Variants in ASTN2 observed in about 807,000 individuals in gnomAD.
ASTN2 encodes astrotactin-2.
ASTN2 carries 54 observed loss-of-function variants against 139.8 expected under a neutral mutation model. The observed-to-expected ratio is 0.39, with a 90% CI of 0.31 to 0.48. The LOEUF (loss-of-function observed/expected upper bound fraction) is 0.48. Among genes scored for constraint, ASTN2 ranks in the 20% least tolerant of loss-of-function variants. ASTN2 has a pLI of 0.95. For missense variants in ASTN2, 1,565 were observed against 1,725.1 expected (o/e 0.91, Z 1.64); for synonymous variants, 756 against 719.5 (o/e 1.05, Z -0.81).
At chr9:116,475,564 C>G (rs1848951778) in intron 20 of ASTN2, among the ~76,000 whole-genome samples, 1 of 152,228 alleles carries the variant, frequency 6.6e-6, no homozygotes, top group Admixed American at 6.5e-5. Flanking sequence ...GCCCTGTACC[C>G]CTGTGCAGCT....
chr9:117,392,367 C>A (rs1830563485), intron 1 of ASTN2, among the ~76,000 whole-genome samples: 1 of 152,158 alleles, frequency 6.6e-6, no homozygotes, highest in South Asian at 2.1e-4. Flanking sequence ...ACTTCTAATC[C>A]TTCTCTGGAA....
chr9:117,224,080 A>ATT (rs1182756249), intron 2 of ASTN2, among the ~76,000 whole-genome samples: 7 of 152,328 alleles, frequency 4.6e-5, no homozygotes, highest in African/African-American at 1.7e-4. Flanking sequence ...AACATACTGA[A>ATT]TTCTATAAAA....
chr9:117,042,442 C>G (rs987324169), intron 5 of ASTN2, among the ~76,000 whole-genome samples: 1 of 152,166 alleles, frequency 6.6e-6, no homozygotes, highest in Admixed American at 6.5e-5. Flanking sequence ...ATGGTAGGAA[C>G]TATACATGAG....
chr9:116,781,271 T>C (rs1830212699), intron 13 of ASTN2, among the ~76,000 whole-genome samples: 1 of 152,192 alleles, frequency 6.6e-6, no homozygotes, highest in Non-Finnish European at 1.5e-5. Flanking sequence ...AAGATGGTGA[T>C]GCAGACAGAG....
chr9:116,845,554 T>C (rs1023366691), intron 11 of ASTN2, among the ~76,000 whole-genome samples: 1 of 152,094 alleles, frequency 6.6e-6, no homozygotes, highest in Admixed American at 6.5e-5. Flanking sequence ...ACAACCTGAT[T>C]AAAACATGGG....
chr9:117,195,730 AC>A (rs1262021944), intron 3 of ASTN2, among the ~76,000 whole-genome samples: 10 of 152,174 alleles, frequency 6.6e-5, no homozygotes, highest in Admixed American at 1.3e-4. Context: ...GATGAAATTT[AC>A]ATGACATTCA....
chr9:116,633,197 C>A (rs1037596158), intron 17 of ASTN2, among the ~76,000 whole-genome samples: 1 of 152,220 alleles, frequency 6.6e-6, no homozygotes, highest in Non-Finnish European at 1.5e-5. Context: ...TCGGTTATAA[C>A]TCTAGGGAGA....
chr9:117,093,204 T>C (rs1456435358), intron 5 of ASTN2, among the ~76,000 whole-genome samples: 2 of 152,060 alleles, frequency 1.3e-5, no homozygotes, highest in East Asian at 3.9e-4. Context: ...ACACAGTGAG[T>C]TGGTAGCAGA....
intron 2 of ASTN2, among the ~76,000 whole-genome samples, chr9:117,252,834 G>T (rs1833575364): frequency 6.6e-6 from 1 of 152,170 alleles, no homozygotes; most frequent in South Asian, 2.1e-4. Flanking sequence ...TACCTTTGCA[G>T]AAATTGGGCT....
chr9:116,606,816 C>T (rs1431611698), intron 19 of ASTN2, among the ~76,000 whole-genome samples: 1 of 152,020 alleles, frequency 6.6e-6, no homozygotes, highest in African/African-American at 2.4e-5. Context: ...TCCCATTCCA[C>T]AGAAAAGGAA....
At position 116,423,809 on chromosome 9, in the gene ASTN2, A is replaced by G. The variant is rs939922995; in HGVS notation, c.*2042T>C. 7.2e-5 allele frequency among the ~76,000 whole-genome samples: 11 copies of G among 152,112 alleles called. No individual in the cohort carries two copies. The highest frequency in any genetic ancestry group is 9.7e-5 in the African/African-American group (4 of 41,414). On this transcript the variant is annotated 3_prime_UTR_variant, in exon 23 of 23. Coordinates refer to ENST00000313400, the MANE Select transcript of ASTN2 (RefSeq NM_001365068.1). ...CCCCATATGGATTGAAGTCCTGGGG[A>G]AAAAAATGCGCTCAATATGTAGGTT... is the stretch of plus-strand genomic sequence containing the variant.
intron 1 of ASTN2, among the ~76,000 whole-genome samples, chr9:117,299,876 T>C (rs1331174600): frequency 6.6e-6 from 1 of 152,148 alleles, no homozygotes; most frequent in Non-Finnish European, 1.5e-5. Flanking sequence ...AAATTTTGAG[T>C]CAGAAGCTTA....
At chr9:117,315,449 T>C (rs1828115270) in intron 1 of ASTN2, among the ~76,000 whole-genome samples, 1 of 152,324 alleles carries the variant, frequency 6.6e-6, no homozygotes. Flanking sequence ...GCCTGGATCA[T>C]GATCAAGGTA....
intron 17 of ASTN2, among the ~76,000 whole-genome samples, chr9:116,633,358 A>G (rs1306826816): frequency 6.6e-6 from 1 of 152,156 alleles, no homozygotes; most frequent in African/African-American, 2.4e-5. Flanking sequence ...CCTGTGTCCT[A>G]CAAGGCGTTG....
intron 19 of ASTN2, chr9:116,552,057 T>C (rs1026833594): frequency 6.6e-6 from 1 of 151,592 alleles, no homozygotes; most frequent in Non-Finnish European, 1.5e-5. Flanking sequence ...TTAATTGCAA[T>C]AATTTTCAGA....
intron 1 of ASTN2, among the ~76,000 whole-genome samples, chr9:117,307,409 A>C (rs1276957674): frequency 6.6e-6 from 1 of 152,222 alleles, no homozygotes. Flanking sequence ...CACTGACATC[A>C]TGAGTATTTC....
chr9:116,581,388 CT>C (rs1588035424), intron 19 of ASTN2, among the ~76,000 whole-genome samples: 1 of 152,260 alleles, frequency 6.6e-6, no homozygotes, highest in East Asian at 1.9e-4. Flanking sequence ...GCTTCTTTCC[CT>C]GGTTACCTGG....
At chr9:116,553,687 T>G (rs891900777) in intron 19 of ASTN2, among the ~76,000 whole-genome samples, 1 of 152,164 alleles carries the variant, frequency 6.6e-6, no homozygotes, top group Non-Finnish European at 1.5e-5. Context: ...GGGCCTCCAC[T>G]TTTCCATGCA....
chr9:116,755,165 A>C (rs2132159791), intron 13 of ASTN2, among the ~76,000 whole-genome samples: 1 of 152,332 alleles, frequency 6.6e-6, no homozygotes, highest in South Asian at 2.1e-4. Context: ...GAAAAATACA[A>C]TGATAGGCTA....
Sources: allele counts gnomAD v4.1 joint callset (sites outside exome capture counted in the v4.1 genomes callset), GRCh38; gene constraint gnomAD v4.1.1; transcripts MANE v1.5; gene names NCBI Gene and HGNC (gene_info 2026-07-23, HGNC 2026-07-21).